RALYL: variants seen among roughly 807,000 people sequenced by gnomAD.
The protein encoded by RALYL is RNA-binding Raly-like protein.
In RALYL, 29 loss-of-function variants were observed where a neutral mutation model predicts 35.1. That is an observed-to-expected ratio of 0.83 (90% CI 0.61 to 1.13). RALYL has a LOEUF of 1.13. Ranked by LOEUF, RALYL falls within the 50% of genes most tolerant of loss-of-function variation. The probability of loss-of-function intolerance (pLI) is 0.00; values close to 1 mark genes in which losing one functional copy is unlikely to be tolerated. For missense variants in RALYL, 359 were observed against 360.4 expected (o/e 1.00, Z 0.03); for synonymous variants, 120 against 127.6 (o/e 0.94, Z 0.40).
At chr8:84,801,863 C>T (rs1448374429) in intron 3 of RALYL, among the ~76,000 whole-genome samples, 3 of 152,108 alleles carry the variant, frequency 2.0e-5, no homozygotes, top group Non-Finnish European at 4.4e-5. Flanking sequence ...AAAAACATTT[C>T]AGGTGAATAT....
intron 2 of RALYL, among the ~76,000 whole-genome samples, chr8:84,716,876 G>GA (rs34673459): frequency 3.3e-5 from 5 of 152,076 alleles, no homozygotes; most frequent in African/African-American, 9.6e-5. Context: ...GAGTATCTAG[G>GA]AAAAAAGTTA....
intron 2 of RALYL, among the ~76,000 whole-genome samples, chr8:84,757,438 A>G (rs975607288): frequency 6.6e-6 from 1 of 152,144 alleles, no homozygotes; most frequent in Non-Finnish European, 1.5e-5. Flanking sequence ...AAAACTGCCG[A>G]TGTGCAGTTT....
chr8:84,252,800 T>C (rs937855498), intron 1 of RALYL, among the ~76,000 whole-genome samples: 2 of 152,160 alleles, frequency 1.3e-5, no homozygotes, highest in African/African-American at 4.8e-5. Context: ...TGATGTATAA[T>C]TGATAACCCC....
intron 2 of RALYL, among the ~76,000 whole-genome samples, chr8:84,537,176 A>C (rs899378397): frequency 3.3e-5 from 4 of 122,206 alleles, no homozygotes; most frequent in South Asian, 5.5e-4. Flanking sequence ...AAAAAAAAAA[A>C]CTCTATTCAC....
rs35794329 is a variant in RALYL at position 84,525,953 on chromosome 8, C to CTTTTTTTT, written c.-23-3331_-23-3324dup. Among the ~76,000 whole-genome samples the CTTTTTTTT allele has an allele frequency of 2.2e-3, 229 of 104,820 alleles. 1 individual carries two copies. Among genetic ancestry groups the CTTTTTTTT allele is most frequent in the Non-Finnish European group, 2.5e-3 (132 of 53,738 alleles). The allele number at this position is 104,820 out of a possible 152,430, so 68.8% of individuals were successfully genotyped here. A position where few individuals can be genotyped will look rare whatever the true frequency, so the allele number is the denominator to read the frequency against. ...ACTTCTATTTTCTCTTTTCTTTTTT[C>CTTTTTTTT]TTTTTTTTTTTTTTTTTTTTTTGAG... On this transcript the variant is annotated intron_variant, in intron 1 of 8. Coordinates refer to ENST00000521268, the MANE Select transcript of RALYL (RefSeq NM_173848.7).
intron 1 of RALYL, chr8:84,184,812 G>C (rs1812080620): frequency 1.6e-6 from 1 of 641,140 alleles, no homozygotes; most frequent in Admixed American, 2.6e-5. Context: ...CCGTGTACGT[G>C]GCGCTGGCCG....
intron 1 of RALYL, among the ~76,000 whole-genome samples, chr8:84,245,339 A>G (rs1341392425): frequency 6.6e-6 from 1 of 152,212 alleles, no homozygotes; most frequent in Non-Finnish European, 1.5e-5. Context: ...AAAGGAGGAC[A>G]ATGGACTTTA....
intron 1 of RALYL, among the ~76,000 whole-genome samples, chr8:84,245,556 A>G (rs1477572112): frequency 6.6e-6 from 1 of 152,128 alleles, no homozygotes; most frequent in Non-Finnish European, 1.5e-5. Flanking sequence ...TAATAAGGAA[A>G]TCTTTACATA....
chr8:84,523,615 C>T (rs978596750), intron 1 of RALYL, among the ~76,000 whole-genome samples: 12 of 151,142 alleles, frequency 7.9e-5, no homozygotes, highest in Admixed American at 2.0e-4. Context: ...GCTGCACCCA[C>T]TAACTCATCA....
At chr8:84,337,197 T>C (rs964378832) in intron 1 of RALYL, among the ~76,000 whole-genome samples, 2 of 151,896 alleles carry the variant, frequency 1.3e-5, no homozygotes, top group African/African-American at 2.4e-5. Flanking sequence ...TTGGTGCATA[T>C]TTGATTCATT....
intron 1 of RALYL, among the ~76,000 whole-genome samples, chr8:84,282,744 ATGCGTGTG>A (rs1417282061): frequency 1.6e-5 from 1 of 63,734 alleles, no homozygotes; most frequent in Non-Finnish European, 3.2e-5. Context: ...ATATATGTGT[ATGCGTGTG>A]TGTGTGTGTG....
intron 2 of RALYL, among the ~76,000 whole-genome samples, chr8:84,712,379 T>A (rs1197617991): frequency 4.6e-5 from 7 of 152,124 alleles, no homozygotes; most frequent in African/African-American, 1.4e-4. Context: ...CTGCCTCATA[T>A]CCTTAATCAC....
chr8:84,520,181 C>T (rs1271469538), intron 1 of RALYL, among the ~76,000 whole-genome samples: 3 of 152,222 alleles, frequency 2.0e-5, no homozygotes, highest in Non-Finnish European at 4.4e-5. Flanking sequence ...AAACTATCTT[C>T]TTACTAGGTC....
intron 4 of RALYL, 73 bp downstream of exon 4, chr8:84,804,875 T>G: frequency 1.3e-6 from 1 of 794,970 alleles, no homozygotes; most frequent in Non-Finnish European, 1.7e-6. Flanking sequence ...AGATGGTATT[T>G]TCAGTCATTT....
chr8:84,383,578 T>TA (rs888069055), intron 1 of RALYL, among the ~76,000 whole-genome samples: 8 of 151,042 alleles, frequency 5.3e-5, no homozygotes, highest in East Asian at 2.0e-4. Flanking sequence ...TCCAGAGAGT[T>TA]AAAAAAAATA....
chr8:84,184,884 C>A, intron 1 of RALYL: 1 of 1,273,946 alleles, frequency 7.8e-7, no homozygotes, highest in Non-Finnish European at 1.1e-6. Flanking sequence ...CGGCAGAGAC[C>A]GCATATTCCG....
At chr8:84,479,226 C>T (rs944210147) in intron 1 of RALYL, among the ~76,000 whole-genome samples, 1 of 150,426 alleles carries the variant, frequency 6.6e-6, no homozygotes. Context: ...TTGCTTTTCC[C>T]GAAGATTCTG....
chr8:84,760,580 A>G (rs1488712), intron 2 of RALYL, among the ~76,000 whole-genome samples: 50,241 of 151,928 alleles, frequency 0.33, 10,004 homozygotes, highest in African/African-American at 0.56. Flanking sequence ...AAAAATGTTT[A>G]CATTTACCAC....
intron 4 of RALYL, among the ~76,000 whole-genome samples, chr8:84,813,635 A>G (rs1458073888): frequency 1.3e-5 from 2 of 152,228 alleles, no homozygotes; most frequent in African/African-American, 4.8e-5. Flanking sequence ...TCACTGCTAA[A>G]TATTGCATAC....
Sources: allele counts gnomAD v4.1 joint callset (sites outside exome capture counted in the v4.1 genomes callset), GRCh38; gene constraint gnomAD v4.1.1; transcripts MANE v1.5; gene names NCBI Gene and HGNC (gene_info 2026-07-23, HGNC 2026-07-21).